The following POU2F1 variants were observed in gnomAD, a reference collection of about 807,000 sequenced individuals.
POU2F1 encodes POU class 2 homeobox 1.
Under a neutral mutation model 84.9 loss-of-function variants are expected in POU2F1, and 16 were observed. That is an observed-to-expected ratio of 0.19 (90% CI 0.13 to 0.29). The LOEUF is 0.29. Ranked by LOEUF, POU2F1 falls within the 10% of genes least tolerant of loss-of-function variation. POU2F1 has a pLI of 1.00. For missense variants in POU2F1, 738 were observed against 942.6 expected (o/e 0.78, Z 2.84); for synonymous variants, 368 against 368.3 (o/e 1.00, Z 0.01).
intron 1 of POU2F1, among the ~76,000 whole-genome samples, chr1:167,242,242 A>G (rs748933706): frequency 2.6e-5 from 4 of 152,218 alleles, no homozygotes; most frequent in Non-Finnish European, 4.4e-5. Context: ...CAAAGCCGCA[A>G]TTTTGAGTTG....
intron 2 of POU2F1, among the ~76,000 whole-genome samples, chr1:167,342,622 C>T (rs1657930915): frequency 6.6e-6 from 1 of 152,064 alleles, no homozygotes; most frequent in Non-Finnish European, 1.5e-5. Flanking sequence ...AAATAATTTC[C>T]AGATAAAATA....
intron 1 of POU2F1, among the ~76,000 whole-genome samples, chr1:167,315,988 A>G (rs1023241778): frequency 1.3e-5 from 2 of 152,206 alleles, no homozygotes; most frequent in African/African-American, 4.8e-5. Flanking sequence ...ACGTTACTGT[A>G]TGTTTCCATT....
chr1:167,394,991 T>C (rs566322824), intron 9 of POU2F1, among the ~76,000 whole-genome samples: 1 of 152,176 alleles, frequency 6.6e-6, no homozygotes, highest in Admixed American at 6.5e-5. Flanking sequence ...TAGTTGAGAG[T>C]TGGCTGTCTC....
intron 2 of POU2F1, among the ~76,000 whole-genome samples, chr1:167,336,579 G>T (rs554398471): frequency 1.3e-5 from 2 of 152,102 alleles, no homozygotes; most frequent in African/African-American, 4.8e-5. Flanking sequence ...ATAGATTGAG[G>T]TCTGCAGTTA....
chr1:167,244,096 A>G (rs1275439653), intron 1 of POU2F1, among the ~76,000 whole-genome samples: 2 of 152,186 alleles, frequency 1.3e-5, no homozygotes, highest in Non-Finnish European at 2.9e-5. Flanking sequence ...TTCCTGTAGT[A>G]AAAGGCTTAC....
chr1:167,314,441 A>G (rs1161939655), intron 1 of POU2F1, among the ~76,000 whole-genome samples: 1 of 152,214 alleles, frequency 6.6e-6, no homozygotes, highest in Non-Finnish European at 1.5e-5. Flanking sequence ...GTGGGAATGT[A>G]AAGTGTTACA....
rs180911748 is a variant in POU2F1 at position 167,313,653 on chromosome 1, A to G, written c.62-18817A>G. The stretch of plus-strand genomic sequence containing the variant: ...TAAACCTCACATAAAAAAACAAAAC[A>G]GAAGAACATCTTCAGGATGCAGGAT... On this transcript the variant is annotated intron_variant, in intron 1 of 15. Coordinates refer to ENST00000367866, the MANE Select transcript of POU2F1 (RefSeq NM_002697.4). Among the ~76,000 whole-genome samples, 3 of 152,362 alleles carry G rather than the reference A, an allele frequency of 2.0e-5. No individual in the cohort carries two copies. The East Asian group carries it at 5.8e-4, about 29-fold the overall frequency.
intron 8 of POU2F1, among the ~76,000 whole-genome samples, chr1:167,386,165 C>T (rs1034503700): frequency 2.0e-5 from 3 of 152,062 alleles, no homozygotes; most frequent in African/African-American, 7.3e-5. Flanking sequence ...ATGGTATACA[C>T]ACTTTGGAAA....
chr1:167,306,932 A>G (rs1018585399), intron 1 of POU2F1, among the ~76,000 whole-genome samples: 1 of 152,208 alleles, frequency 6.6e-6, no homozygotes, highest in Non-Finnish European at 1.5e-5. Context: ...TTCAATCCGT[A>G]ACAGATGTTA....
chr1:167,274,945 A>G (rs148111459), intron 1 of POU2F1, among the ~76,000 whole-genome samples: 23 of 151,968 alleles, frequency 1.5e-4, no homozygotes, highest in African/African-American at 5.1e-4. Context: ...CTTCTGAAAC[A>G]TACTACTTTT....
intron 8 of POU2F1, among the ~76,000 whole-genome samples, chr1:167,387,732 G>C (rs934496779): frequency 6.6e-5 from 10 of 152,196 alleles, no homozygotes; most frequent in African/African-American, 2.4e-4. Flanking sequence ...CTAAGATGCA[G>C]TCAGGCAGTG....
At chr1:167,370,298 G>A in intron 4 of POU2F1, 84 bp downstream of exon 4, 1 of 1,153,278 alleles carries the variant, frequency 8.7e-7, no homozygotes, top group Non-Finnish European at 1.2e-6. Context: ...TTTTATAATA[G>A]GAAATGCTTA....
intron 1 of POU2F1, among the ~76,000 whole-genome samples, chr1:167,301,135 A>C (rs1415983861): frequency 6.6e-6 from 1 of 152,162 alleles, no homozygotes; most frequent in Non-Finnish European, 1.5e-5. Context: ...TAAGGAAAAG[A>C]TGCATAGTAT....
At chr1:167,325,717 C>T (rs1053836821) in intron 1 of POU2F1, among the ~76,000 whole-genome samples, 1 of 151,856 alleles carries the variant, frequency 6.6e-6, no homozygotes, top group East Asian at 1.9e-4. Context: ...TGGTGAAACC[C>T]GTCTCTACTA....
chr1:167,237,161 G>A (rs1557835984), intron 1 of POU2F1, among the ~76,000 whole-genome samples: 2 of 152,200 alleles, frequency 1.3e-5, no homozygotes, highest in Non-Finnish European at 2.9e-5. Flanking sequence ...TTAACATACA[G>A]CAGTGACAGC....
At chr1:167,231,582 T>G (rs908120944) in intron 1 of POU2F1, among the ~76,000 whole-genome samples, 2 of 152,204 alleles carry the variant, frequency 1.3e-5, no homozygotes, top group African/African-American at 4.8e-5. Context: ...CAACAAATAT[T>G]TATAGAGCTT....
intron 1 of POU2F1, among the ~76,000 whole-genome samples, chr1:167,254,050 A>T (rs537399008): frequency 6.6e-6 from 1 of 152,290 alleles, no homozygotes; most frequent in South Asian, 2.1e-4. Context: ...AAAATATTTC[A>T]GACTCCTGTA....
chr1:167,370,155 T>G lies in POU2F1; in HGVS notation c.229-6T>G, dbSNP rs745341979. The G allele has an allele frequency of 1.2e-6, 2 of 1,603,296 alleles. No homozygotes were observed. The highest frequency in any genetic ancestry group is 1.7e-6 in the Non-Finnish European group (2 of 1,172,678). On this transcript the variant is annotated splice_region_variant and splice_polypyrimidine_tract_variant and intron_variant, in intron 3 of 15. Coordinates refer to ENST00000367866, the MANE Select transcript of POU2F1 (RefSeq NM_002697.4). ...TTAAACTAGAACTTCCCCTGATTACTTATAGGTCCAACTCGCTGGAACAAG... is the reference window on the plus strand; with the variant it reads ...TTAAACTAGAACTTCCCCTGATTACGTATAGGTCCAACTCGCTGGAACAAG...
chr1:167,228,266 T>C (rs1438477728), intron 1 of POU2F1, among the ~76,000 whole-genome samples: 1 of 152,120 alleles, frequency 6.6e-6, no homozygotes, highest in Non-Finnish European at 1.5e-5. Context: ...ATAAAAATGG[T>C]GTGTTAGGAG....
Sources: allele counts gnomAD v4.1 joint callset (sites outside exome capture counted in the v4.1 genomes callset), GRCh38; gene constraint gnomAD v4.1.1; transcripts MANE v1.5; gene names NCBI Gene and HGNC (gene_info 2026-07-23, HGNC 2026-07-21).